Variants in SLC14A2 observed in about 807,000 individuals in gnomAD.
SLC14A2 encodes the protein solute carrier family 14 member 2.
SLC14A2 carries 91 observed loss-of-function variants against 104.6 expected under a neutral mutation model. The ratio of observed to expected loss-of-function variants is 0.87; its 90% CI spans 0.73 to 1.04. The LOEUF is 1.04. SLC14A2 is among the 50% of genes least tolerant of loss of function. SLC14A2 has a pLI of 0.00. For missense variants in SLC14A2, 1,189 were observed against 1,156.0 expected, an observed-to-expected ratio of 1.03 and a Z score of -0.41; for synonymous variants, 476 against 466.4, an observed-to-expected ratio of 1.02 and a Z score of -0.27.
intron 1 of SLC14A2, among the ~76,000 whole-genome samples, chr18:45,273,844 TG>T (rs1427445127): frequency 6.6e-6 from 1 of 151,348 alleles, no homozygotes; most frequent in African/African-American, 2.4e-5. Context: ...TTTTCTTCTC[TG>T]GACTCTGTGT....
At chr18:45,424,538 A>G (rs2086396478) in intron 1 of SLC14A2, among the ~76,000 whole-genome samples, 1 of 152,350 alleles carries the variant, frequency 6.6e-6, no homozygotes, top group East Asian at 1.9e-4. Context: ...TCCAGGAGCA[A>G]ACTGTTTCTA....
chr18:45,394,742 A>T (rs2086009970), intron 1 of SLC14A2, among the ~76,000 whole-genome samples: 1 of 151,966 alleles, frequency 6.6e-6, no homozygotes, highest in Admixed American at 6.6e-5. Context: ...GGAGTTTCTT[A>T]TGTATTTTTG....
At chr18:45,665,219 A>G (rs1314021231) in intron 11 of SLC14A2, among the ~76,000 whole-genome samples, 2 of 152,184 alleles carry the variant, frequency 1.3e-5, no homozygotes, top group African/African-American at 4.8e-5. Flanking sequence ...TCATGAGTGC[A>G]GAACGGGGGA....
intron 1 of SLC14A2, among the ~76,000 whole-genome samples, chr18:45,316,214 A>G (rs145077323): frequency 1.9e-3 from 295 of 152,338 alleles, no homozygotes; most frequent in African/African-American, 6.9e-3. Flanking sequence ...ACAATCTCTC[A>G]GCAGGCTAAT....
At chr18:45,642,741 G>A (rs1006894184) in intron 8 of SLC14A2, among the ~76,000 whole-genome samples, 1 of 151,588 alleles carries the variant, frequency 6.6e-6, no homozygotes, top group African/African-American at 2.4e-5. Context: ...GACCTTGGCA[G>A]GAGCTCGTAT....
intron 2 of SLC14A2, among the ~76,000 whole-genome samples, chr18:45,506,515 T>C (rs1171159675): frequency 6.6e-6 from 1 of 151,974 alleles, no homozygotes; most frequent in African/African-American, 2.4e-5. Flanking sequence ...AATGATATAA[T>C]CCTAGATAGG....
chr18:45,589,357 G>T lies in SLC14A2; in HGVS notation c.-34-35274G>T, dbSNP rs373665215. Among the ~76,000 whole-genome samples the T allele has an allele frequency of 2.0e-5, 3 of 152,244 alleles. No individual in the cohort carries two copies. In the East Asian group the frequency reaches 5.8e-4, roughly 29 times the overall value. The stretch of plus-strand genomic sequence containing the variant: ...TGCAAGGTACCCCAAATGAATATAC[G>T]TGTATGTCTTAAAGTGCACACAAAC... On this transcript the variant is annotated intron_variant, in intron 2 of 20. Transcript: ENST00000586448.
chr18:45,440,687 G>C (rs2144580382), intron 1 of SLC14A2, among the ~76,000 whole-genome samples: 1 of 152,296 alleles, frequency 6.6e-6, no homozygotes, highest in East Asian at 1.9e-4. Context: ...TTGGAAAACT[G>C]ATCTCTCTCA....
At chr18:45,579,418 G>A (rs1021820985) in intron 2 of SLC14A2, among the ~76,000 whole-genome samples, 13 of 152,226 alleles carry the variant, frequency 8.5e-5, no homozygotes, top group Admixed American at 3.3e-4. Flanking sequence ...CAATAGGGTT[G>A]GGGATGGTAG....
rs116400267 is a variant in SLC14A2 at position 45,379,177 on chromosome 18, C to G, written c.-124-104056C>G. ...ATCCATCTGGCACACTATCTGCTCT[C>G]AAGTGTCCCTCACAAAACATCCTCC... On this transcript the variant is annotated intron_variant, in intron 1 of 20. Coordinates refer to the SLC14A2 transcript ENST00000586448. 2.7e-3 allele frequency among the ~76,000 whole-genome samples: 413 copies of G among 152,316 alleles called. 1 individual carries two copies. The highest frequency in any genetic ancestry group is 9.3e-3 in the African/African-American group (386 of 41,570).
chr18:45,327,224 A>G (rs1179873389), intron 1 of SLC14A2, among the ~76,000 whole-genome samples: 1 of 149,650 alleles, frequency 6.7e-6, no homozygotes, highest in East Asian at 1.9e-4. Flanking sequence ...CCTACTTGGT[A>G]GGAGCCATAA....
intron 2 of SLC14A2, among the ~76,000 whole-genome samples, chr18:45,491,593 C>T (rs1195177683): frequency 3.9e-5 from 6 of 151,962 alleles, no homozygotes; most frequent in Non-Finnish European, 8.8e-5. Context: ...ATATTCTGGG[C>T]AGTGGATATT....
chr18:45,644,188 GCT>G, intron 10 of SLC14A2, 28 bp downstream of exon 10: 1 of 1,610,344 alleles, frequency 6.2e-7, no homozygotes, highest in Non-Finnish European at 8.5e-7. Context: ...GGGAAGAAAC[GCT>G]CTTTGCCTGA....
At chr18:45,187,975 G>A in the SLC14A2 span, among the ~76,000 whole-genome samples, 4 of 152,036 alleles carry the variant, frequency 2.6e-5, no homozygotes, top group Admixed American at 2.0e-4. Flanking sequence ...GGGACTTCAG[G>A]ACTTTTGTAG....
At chr18:45,182,567 G>A in the SLC14A2 span, among the ~76,000 whole-genome samples, 10 of 151,888 alleles carry the variant, frequency 6.6e-5, no homozygotes, top group Admixed American at 2.0e-4. Flanking sequence ...TAAGGCCAAC[G>A]AGAGTATTTT....
At chr18:45,500,591 A>AG (rs911096069) in intron 2 of SLC14A2, among the ~76,000 whole-genome samples, 8 of 145,630 alleles carry the variant, frequency 5.5e-5, no homozygotes, top group Admixed American at 2.8e-4. Context: ...AAAAAAAAAA[A>AG]AAAAAGAAAT....
At chr18:45,436,797 C>CT (rs5824587) in intron 1 of SLC14A2, 128,865 of 150,738 alleles carry the variant, frequency 0.85, 55,131 homozygotes, top group South Asian at 0.93. Context: ...AGATTTCTTT[C>CT]TTTTTTTTTA....
intron 2 of SLC14A2, among the ~76,000 whole-genome samples, chr18:45,526,712 G>T (rs1390864833): frequency 6.6e-6 from 1 of 152,132 alleles, no homozygotes; most frequent in African/African-American, 2.4e-5. Flanking sequence ...GGAACAGAAA[G>T]TTCGTGGGGA....
intron 2 of SLC14A2, among the ~76,000 whole-genome samples, chr18:45,511,888 C>T (rs140428514): frequency 1.9e-4 from 29 of 152,242 alleles, no homozygotes; most frequent in East Asian, 1.2e-3. Context: ...AGGGAGTTCA[C>T]TTTAGGAGAT....
Sources: allele counts gnomAD v4.1 joint callset (sites outside exome capture counted in the v4.1 genomes callset), GRCh38; gene constraint gnomAD v4.1.1; transcripts MANE v1.5; gene names NCBI Gene and HGNC (gene_info 2026-07-23, HGNC 2026-07-21).